Variants in SSMEM1 observed in about 807,000 individuals in gnomAD.
SSMEM1 encodes serine-rich single-pass membrane protein 1.
In SSMEM1, 12 loss-of-function variants were observed where a neutral mutation model predicts 9.9. That is an observed-to-expected ratio of 1.21 (90% CI 0.78 to 1.96). SSMEM1 has a LOEUF of 1.96. Ranked by LOEUF, SSMEM1 falls within the 30% of genes most tolerant of loss-of-function variation. The probability of loss-of-function intolerance (pLI) is 0.00; values close to 1 mark genes in which losing one functional copy is unlikely to be tolerated. For synonymous variants in SSMEM1, 96 were observed against 98.9 expected (o/e 0.97, Z 0.17); for missense variants, 259 against 292.2 (o/e 0.89, Z 0.83).
At chr7:130,210,823 G>A (rs6467288) in intron 1 of SSMEM1, among the ~76,000 whole-genome samples, 35,588 of 151,990 alleles carry the variant, frequency 0.23, 4,394 homozygotes, top group East Asian at 0.39. Flanking sequence ...TTGATTTTGT[G>A]GCTATGTTTT....
Position 130,216,831 on chromosome 7 carries a change from A to G in SSMEM1, c.*361A>G. Reference sequence around the variant, plus strand: ...AAAGCTCTTTGAAAATGTATTATTTATGTTGAGAAACCACTTAAATGTATT... The same window carrying G: ...AAAGCTCTTTGAAAATGTATTATTTGTGTTGAGAAACCACTTAAATGTATT... On this transcript the variant is annotated 3_prime_UTR_variant, in exon 3 of 3. Coordinates refer to ENST00000297819, the MANE Select transcript of SSMEM1 (RefSeq NM_145268.4). 4.2e-6 allele frequency: 1 copy of G among 239,134 alleles called. No homozygotes were observed. The highest frequency in any genetic ancestry group is 8.2e-6 in the Non-Finnish European group (1 of 121,914). The allele number at this position is 239,134 out of a possible 1,614,324, so 14.8% of individuals were successfully genotyped here. A position where few individuals can be genotyped will look rare whatever the true frequency, so the allele number is the denominator to read the frequency against.
At chr7:130,206,919 G>A (rs914833493), upstream of SSMEM1, 2 of 210,680 alleles carry the variant, frequency 9.5e-6, no homozygotes, top group South Asian at 4.9e-5. Context: ...CTGGGAAGCC[G>A]AGGTTGCGGT....
intron 2 of SSMEM1, among the ~76,000 whole-genome samples, chr7:130,213,883 G>A (rs1798653606): frequency 6.6e-6 from 1 of 152,148 alleles, no homozygotes; most frequent in Non-Finnish European, 1.5e-5. Flanking sequence ...GGACTCCCTA[G>A]TGCAGAGGGA....
Position 130,213,770 on chromosome 7 carries a change from T to C in SSMEM1, c.238+236T>C, listed in dbSNP as rs559143868. On this transcript the variant is annotated intron_variant, in intron 2 of 2. Transcript: ENST00000297819. ...TGAAATAAAGACAAAGAAAGAAATT[T>C]GTGCTGAGTGTGGAAAGCAAAAAAC... 5.3e-5 allele frequency among the ~76,000 whole-genome samples: 8 copies of C among 150,532 alleles called. No individual in the cohort carries two copies. The East Asian group carries it at 9.7e-4, about 18-fold the overall frequency.
intron 2 of SSMEM1, among the ~76,000 whole-genome samples, chr7:130,213,936 G>A (rs1798654910): frequency 1.3e-5 from 2 of 152,082 alleles, no homozygotes; most frequent in Admixed American, 6.6e-5. Context: ...ACTGGGAGGT[G>A]GAACTCAAGT....
In SSMEM1 at chr7:130,207,963, T is replaced by TA; in HGVS notation, c.56dup (p.Asn19LysfsTer10). The TA allele has an allele frequency of 1.2e-6, 2 of 1,614,062 alleles. No individual in the cohort carries two copies. Among genetic ancestry groups the TA allele is most frequent in the Non-Finnish European group, 1.7e-6 (2 of 1,179,982 alleles). ...GAGGTAGATCCTCCCCCAATACCTG[T>TA]AAATTGTGCCATTCCAAATCAGGAT... On this transcript the variant is annotated frameshift_variant, in exon 1 of 3. Coordinates refer to ENST00000297819, the MANE Select transcript of SSMEM1 (RefSeq NM_145268.4). LOFTEE classifies it high-confidence loss of function.
At position 130,213,467 on chromosome 7, in the gene SSMEM1, G is replaced by A. The variant is rs1224235573; in HGVS notation, c.184-13G>A. ...ACTGAGATCACTCTTACTAACCTAT[G>A]TTTCTGAAACAGATGTCTGAGGATA... is the stretch of plus-strand genomic sequence containing the variant. On this transcript the variant is annotated splice_polypyrimidine_tract_variant and intron_variant, in intron 1 of 2. Coordinates refer to ENST00000297819, the MANE Select transcript of SSMEM1 (RefSeq NM_145268.4). 1.2e-6 allele frequency: 2 copies of A among 1,608,596 alleles called. No individual in the cohort carries two copies. The highest frequency in any genetic ancestry group is 1.7e-6 in the Non-Finnish European group (2 of 1,176,490).
rs1798715562 is a variant in SSMEM1, at chr7:130,216,626, A to T, written c.*156A>T. 3 of 913,388 alleles carry T rather than the reference A, an allele frequency of 3.3e-6. No individual in the cohort carries two copies. The highest frequency in any genetic ancestry group is 4.8e-6 in the Non-Finnish European group (3 of 625,338). The allele number at this position is 913,388 out of a possible 1,614,324, so 56.6% of individuals were successfully genotyped here. A position where few individuals can be genotyped will look rare whatever the true frequency, so the allele number is the denominator to read the frequency against. ...AACCCAAGAGGTAAAATCTCACACA[A>T]TTCTTCGTTCAAAAAAAAAAAGGCC... is the stretch of plus-strand genomic sequence containing the variant. On this transcript the variant is annotated 3_prime_UTR_variant, in exon 3 of 3. Coordinates refer to ENST00000297819, the MANE Select transcript of SSMEM1 (RefSeq NM_145268.4).
At chr7:130,209,270 GC>G (rs1401881174) in intron 1 of SSMEM1, among the ~76,000 whole-genome samples, 1 of 152,212 alleles carries the variant, frequency 6.6e-6, no homozygotes, top group Non-Finnish European at 1.5e-5. Context: ...ATAGGCCTGG[GC>G]TGGCAGTGGT....
intron 1 of SSMEM1, among the ~76,000 whole-genome samples, chr7:130,209,867 C>A (rs139821290): frequency 0.016 from 2,489 of 152,314 alleles, 70 homozygotes; most frequent in African/African-American, 0.057. Flanking sequence ...CGTGAGCCAC[C>A]ACGCCTGGCC....
Position 130,216,344 on chromosome 7 carries a change from C to G in SSMEM1, c.609C>G (p.Ala203=), listed in dbSNP as rs1798707785. 1 of 1,614,202 alleles carries G rather than the reference C, an allele frequency of 6.2e-7. No homozygotes were observed. Among genetic ancestry groups the G allele is most frequent in the East Asian group, 2.2e-5 (1 of 44,886 alleles). The part of the protein sequence containing the change: ...MSERHCLHCK[A]LRTNEWLAHH... ...AAAGGCACTGCCTCCACTGCAAAGC[C>G]TTGAGAACCAACGAATGGTTGGCGC... The change falls in exon 3 of 3, where the codon GCC becomes GCG. Residue 203 remains alanine (A), a synonymous_variant. Coordinates refer to ENST00000297819, the MANE Select transcript of SSMEM1 (RefSeq NM_145268.4).
At position 130,216,061 on chromosome 7, in the gene SSMEM1, T is replaced by A; in HGVS notation, c.326T>A (p.Leu109His). 6.2e-7 allele frequency: 1 copy of A among 1,614,216 alleles called. No homozygotes were observed. Among genetic ancestry groups the A allele is most frequent in the Non-Finnish European group, 8.5e-7 (1 of 1,180,040 alleles). The change falls in exon 3 of 3, where the codon CTT becomes CAT. Residue 109 changes from leucine (L) to histidine (H), a missense_variant. By Grantham distance (99) the Leu-to-His change is moderately conservative. Transcript: ENST00000297819. ...QTMKKPKQNQ[L>H]TPVTNSEVAL... Reference sequence around the variant, plus strand: ...ATGAAGAAACCAAAGCAGAACCAACTTACCCCTGTAACCAACTCAGAAGTG... The same window carrying A: ...ATGAAGAAACCAAAGCAGAACCAACATACCCCTGTAACCAACTCAGAAGTG...
At position 130,207,963 on chromosome 7, in the gene SSMEM1, T is replaced by C. The variant is rs140531337; in HGVS notation, c.53T>C (p.Val18Ala). The change falls in exon 1 of 3, where the codon GTA (valine) becomes GCA (alanine). Residue 18 changes from valine (V) to alanine (A), a missense_variant. Physicochemically the swap from Val to Ala is moderately conservative, Grantham distance 64. Transcript: ENST00000297819. The part of the protein sequence containing the change: ...FWEVDPPPIP[V>A]NCAIPNQDYE... The stretch of plus-strand genomic sequence containing the variant: ...GAGGTAGATCCTCCCCCAATACCTG[T>C]AAATTGTGCCATTCCAAATCAGGAT... The C allele has an allele frequency of 7.4e-6, 12 of 1,613,944 alleles. No homozygotes were observed. In the African/African-American group the frequency reaches 9.3e-5, roughly 13 times the overall value.
chr7:130,210,906 C>T (rs1406568731), intron 1 of SSMEM1, among the ~76,000 whole-genome samples: 1 of 152,076 alleles, frequency 6.6e-6, no homozygotes, highest in African/African-American at 2.4e-5. Flanking sequence ...ATACCTTCTC[C>T]TGTCTATTAC....
chr7:130,216,535 C>A lies in SSMEM1; in HGVS notation c.*65C>A. 1 of 1,551,564 alleles carries A rather than the reference C, an allele frequency of 6.4e-7. No individual in the cohort carries two copies. The highest frequency in any genetic ancestry group is 8.7e-7 in the Non-Finnish European group (1 of 1,147,184). ...GAGATGAATAAAACATGAAAAATCA[C>A]CAGAGCTATAGGTGAGGAGACTTTT... is the stretch of plus-strand genomic sequence containing the variant. On this transcript the variant is annotated 3_prime_UTR_variant, in exon 3 of 3. Transcript: ENST00000297819.
chr7:130,211,336 T>C (rs1798587977), intron 1 of SSMEM1, among the ~76,000 whole-genome samples: 1 of 152,060 alleles, frequency 6.6e-6, no homozygotes, highest in South Asian at 2.1e-4. Flanking sequence ...TTTTTTTGTA[T>C]TTTAAGTAGA....
upstream of SSMEM1, chr7:130,207,701 A>G (rs1351196206): frequency 4.4e-6 from 3 of 677,272 alleles, no homozygotes; most frequent in South Asian, 1.5e-5. Context: ...GGTATGGGGG[A>G]AAATAACATA....
chr7:130,214,879 C>T (rs1272884985), intron 2 of SSMEM1, among the ~76,000 whole-genome samples: 3 of 152,210 alleles, frequency 2.0e-5, no homozygotes, highest in Non-Finnish European at 4.4e-5. Flanking sequence ...CAAAGCCATA[C>T]ATCAAGCCCT....
In SSMEM1 at chr7:130,216,794, A is replaced by G. The variant is rs1798719512; in HGVS notation, c.*324A>G. The G allele has an allele frequency of 3.5e-6, 1 of 282,752 alleles. No homozygotes were observed. The highest frequency in any genetic ancestry group is 6.7e-6 in the Non-Finnish European group (1 of 150,124). 17.5% of individuals were successfully genotyped at this position (282,752 alleles called of 1,614,324 possible). The stretch of plus-strand genomic sequence containing the variant: ...GTGTATGTATTTTGTTTATGTCTGT[A>G]ATATGAATAAGAAAGCTCTTTGAAA... On this transcript the variant is annotated 3_prime_UTR_variant, in exon 3 of 3. Coordinates refer to ENST00000297819, the MANE Select transcript of SSMEM1 (RefSeq NM_145268.4).
Sources: gnomAD v4.1 joint callset for allele counts (sites outside exome capture counted in the v4.1 genomes callset) on GRCh38, gnomAD v4.1.1 for gene constraint, MANE v1.5 for transcripts, NCBI Gene and HGNC (gene_info 2026-07-23, HGNC 2026-07-21) for gene names.